The following CADPS variants were observed in gnomAD, a reference collection of about 807,000 sequenced individuals.
CADPS encodes the protein calcium-dependent secretion activator 1.
Under a neutral mutation model 167.3 loss-of-function variants are expected in CADPS, and 57 were observed. The ratio of observed to expected loss-of-function variants is 0.34; its 90% CI spans 0.28 to 0.42. The LOEUF (loss-of-function observed/expected upper bound fraction) is 0.42, where lower values mean the gene tolerates loss of function less well. Among genes scored for constraint, CADPS ranks in the 20% least tolerant of loss-of-function variants. The pLI is 1.00. For missense variants in CADPS, 1,414 were observed against 1,738.1 expected (o/e 0.81, Z 3.32); for synonymous variants, 676 against 635.3 (o/e 1.06, Z -0.96).
intron 8 of CADPS, among the ~76,000 whole-genome samples, chr3:62,574,197 C>T (rs903678071): frequency 6.6e-6 from 1 of 152,164 alleles, no homozygotes. Flanking sequence ...ATGCTCCATT[C>T]ATCCCATGGT....
In CADPS at chr3:62,458,406, T is replaced by C. The variant is rs2058952849; in HGVS notation, c.3636+6961A>G. Among the ~76,000 whole-genome samples, 1 of 152,206 alleles carries C rather than the reference T, an allele frequency of 6.6e-6. No homozygotes were observed. The highest frequency in any genetic ancestry group is 2.4e-5 in the African/African-American group (1 of 41,460). On this transcript the variant is annotated intron_variant, in intron 26 of 29. Transcript: ENST00000383710. This position sits in a 1 kb window ranked among gnomAD's most constrained non-coding sequence, Gnocchi z 4.6. Reference sequence around the variant, plus strand: ...GATAAACTTCCCACTGCATGTGATTTGGAGGTCAGGATAGAATCTATAATT... The same window carrying C: ...GATAAACTTCCCACTGCATGTGATTCGGAGGTCAGGATAGAATCTATAATT...
chr3:62,800,841 C>T (rs1374935964), intron 1 of CADPS, among the ~76,000 whole-genome samples: 2 of 152,132 alleles, frequency 1.3e-5, no homozygotes, highest in Non-Finnish European at 2.9e-5. Flanking sequence ...GTTTACAAAA[C>T]ATTCGTTCTC....
chr3:62,407,859 G>A (rs557142927), intron 28 of CADPS, among the ~76,000 whole-genome samples: 1 of 152,204 alleles, frequency 6.6e-6, no homozygotes, highest in Non-Finnish European at 1.5e-5. Context: ...TCAGCCTCCT[G>A]AGTAGCTGGG....
chr3:62,427,316 C>T (rs1020737102), intron 28 of CADPS, among the ~76,000 whole-genome samples: 2 of 152,038 alleles, frequency 1.3e-5, no homozygotes, highest in African/African-American at 4.8e-5. Flanking sequence ...GACGAGTTCC[C>T]GAGATATCTA....
chr3:62,824,883 C>T (rs2073752238), intron 1 of CADPS, among the ~76,000 whole-genome samples: 1 of 152,096 alleles, frequency 6.6e-6, no homozygotes, highest in Non-Finnish European at 1.5e-5. Flanking sequence ...CCCACATACA[C>T]ATGCTACAAA....
chr3:62,650,750 G>A, intron 5 of CADPS, 97 bp downstream of exon 5: 2 of 817,362 alleles, frequency 2.4e-6, no homozygotes. Flanking sequence ...AACTGCTCCT[G>A]GGGTGCAACA....
chr3:62,645,950 T>A (rs1001143481), intron 5 of CADPS, 107 bp from the exon 6 acceptor site: 3 of 1,251,566 alleles, frequency 2.4e-6, no homozygotes, highest in African/African-American at 1.5e-5. Context: ...AACAGGTATC[T>A]GATGGCTTCT....
At chr3:62,524,867 T>C (rs906108867) in intron 13 of CADPS, among the ~76,000 whole-genome samples, 2 of 152,176 alleles carry the variant, frequency 1.3e-5, no homozygotes, top group Admixed American at 6.5e-5. Flanking sequence ...ATTTTAAAAA[T>C]TGGCACTGCA....
intron 15 of CADPS, 137 bp downstream of exon 15, chr3:62,516,443 C>T: frequency 1.3e-6 from 1 of 785,120 alleles, no homozygotes; most frequent in Admixed American, 2.9e-5. Context: ...AGTTTCCTCG[C>T]TTCTATTCTG....
chr3:62,714,505 A>C (rs2084033887), intron 3 of CADPS, among the ~76,000 whole-genome samples: 1 of 152,160 alleles, frequency 6.6e-6, no homozygotes, highest in African/African-American at 2.4e-5. Flanking sequence ...GGCAAAGGGA[A>C]GACATGAGGG....
intron 3 of CADPS, among the ~76,000 whole-genome samples, chr3:62,696,940 C>T (rs748804132): frequency 6.6e-6 from 1 of 152,010 alleles, no homozygotes; most frequent in Non-Finnish European, 1.5e-5. Flanking sequence ...GTACAGTACC[C>T]TAATATTTAT....
chr3:62,403,934 T>C (rs1029115880), intron 28 of CADPS: 1 of 152,240 alleles, frequency 6.6e-6, no homozygotes, highest in Non-Finnish European at 1.5e-5. Flanking sequence ...TTGCTTCTTG[T>C]CTGTGAAAAA....
At chr3:62,547,587 C>T (rs1437299190) in intron 11 of CADPS, among the ~76,000 whole-genome samples, 2 of 41,782 alleles carry the variant, frequency 4.8e-5, no homozygotes, top group East Asian at 9.1e-4. Context: ...ATCATTTACG[C>T]CCCCCCCCCC....
intron 3 of CADPS, among the ~76,000 whole-genome samples, chr3:62,683,376 G>A (rs956931218): frequency 3.3e-5 from 5 of 152,006 alleles, no homozygotes; most frequent in African/African-American, 1.2e-4. Flanking sequence ...TGCCTACCAT[G>A]CATAGGCTAG....
intron 8 of CADPS, among the ~76,000 whole-genome samples, chr3:62,573,530 T>C (rs926693129): frequency 1.3e-5 from 2 of 152,194 alleles, no homozygotes; most frequent in African/African-American, 4.8e-5. Flanking sequence ...CTTTTAATTT[T>C]CCATCTCTGC....
chr3:62,831,958 C>G (rs1410339549), intron 1 of CADPS, among the ~76,000 whole-genome samples: 1 of 152,176 alleles, frequency 6.6e-6, no homozygotes, highest in African/African-American at 2.4e-5. Flanking sequence ...TAACAAGTAT[C>G]AAAGCTAATT....
chr3:62,698,724 C>A (rs1482648313), intron 3 of CADPS, among the ~76,000 whole-genome samples: 1 of 140,194 alleles, frequency 7.1e-6, no homozygotes, highest in African/African-American at 2.7e-5. Context: ...CCTTTCCTCC[C>A]CACTTCCTTT....
chr3:62,779,634 A>G (rs2152631781), intron 1 of CADPS: 1 of 532,792 alleles, frequency 1.9e-6, no homozygotes, highest in East Asian at 5.4e-5. Context: ...CATGCATTTT[A>G]AAGGCATAGG....
intron 11 of CADPS, 134 bp downstream of exon 11, chr3:62,549,769 G>A (rs2077038815): frequency 1.4e-6 from 1 of 705,910 alleles, no homozygotes; most frequent in Non-Finnish European, 2.3e-6. Flanking sequence ...CTTTCCCCCT[G>A]AATTCACTAT....
Sources: gnomAD v4.1 joint callset for allele counts (sites outside exome capture counted in the v4.1 genomes callset) on GRCh38, gnomAD v4.1.1 for gene constraint, Gnocchi (gnomAD v3.1) non-coding constraint, MANE v1.5 for transcripts, NCBI Gene and HGNC (gene_info 2026-07-23, HGNC 2026-07-21) for gene names.